Variants in GARRE1 observed in about 807,000 individuals in gnomAD.
GARRE1 encodes the protein granule associated Rac and RHOG effector protein 1.
Under a neutral mutation model 103.2 loss-of-function variants are expected in GARRE1, and 49 were observed. The ratio of observed to expected loss-of-function variants is 0.47; its 90% CI spans 0.38 to 0.60. The LOEUF (loss-of-function observed/expected upper bound fraction) is 0.60. Among genes scored for constraint, GARRE1 ranks in the 20% least tolerant of loss-of-function variants. The probability of loss-of-function intolerance (pLI) is 0.00; values close to 1 mark genes in which losing one functional copy is unlikely to be tolerated. For missense variants in GARRE1, 1,199 were observed against 1,370.5 expected (o/e 0.87, Z 1.98); for synonymous variants, 505 against 532.8 (o/e 0.95, Z 0.72).
Position 34,327,795 on chromosome 19 carries a change from T to TA in GARRE1, c.871_872insA (p.Leu291TyrfsTer5). ...GGCATATAAGATAGCTCTGGAAAGC[T>TA]TAGGACACTGTGAATATGCAATGAA... On this transcript the variant is annotated frameshift_variant, in exon 5 of 14. Transcript: ENST00000299505. LOFTEE classifies it high-confidence loss of function. The TA allele has an allele frequency of 6.2e-7, 1 of 1,614,170 alleles. No homozygotes were observed. Among genetic ancestry groups the TA allele is most frequent in the Non-Finnish European group, 8.5e-7 (1 of 1,179,972 alleles).
chr19:34,314,937 T>G (rs886104867), intron 2 of GARRE1, among the ~76,000 whole-genome samples: 1 of 152,182 alleles, frequency 6.6e-6, no homozygotes, highest in African/African-American at 2.4e-5. Context: ...ACTCGAATGA[T>G]CATCAGAACA....
rs1274940020 is a variant in GARRE1, at chr19:34,352,956, C to T, written c.*1C>T. 1.3e-6 allele frequency: 2 copies of T among 1,492,220 alleles called. No homozygotes were observed. Among genetic ancestry groups the T allele is most frequent in the East Asian group, 2.6e-5 (1 of 38,712 alleles). The allele number at this position is 1,492,220 out of a possible 1,614,324, so 92.4% of individuals were successfully genotyped here. A position where few individuals can be genotyped will look rare whatever the true frequency, so the allele number is the denominator to read the frequency against. ...GCCAGCCTATCTGCCCCAGTACTGACCCCAGGCCAGCCAGCCTGCCTGCCT... is the reference window on the plus strand; with the variant it reads ...GCCAGCCTATCTGCCCCAGTACTGATCCCAGGCCAGCCAGCCTGCCTGCCT... On this transcript the variant is annotated 3_prime_UTR_variant, in exon 14 of 14. Coordinates refer to ENST00000299505, the MANE Select transcript of GARRE1 (RefSeq NM_014686.5).
Position 34,300,908 on chromosome 19 carries a change from A to C in GARRE1, c.435A>C (p.Glu145Asp), listed in dbSNP as rs1452946371. ...CTGAGATCGCCAAGATGCTAATGGA[A>C]CTTAGTGCTGGGGCTGCAAATTTTA... is the stretch of plus-strand genomic sequence containing the variant. ...IKPEIAKMLM[E>D]LSAGAANFTD... Residue 145 changes from glutamate to aspartate, a missense_variant, in exon 2 of 14, where the codon GAA becomes GAC. Transcript: ENST00000299505. 5.6e-6 allele frequency: 9 copies of C among 1,608,426 alleles called. No homozygotes were observed. The highest frequency in any genetic ancestry group is 2.7e-5 in the African/African-American group (2 of 74,950).
At position 34,342,186 on chromosome 19, in the gene GARRE1, G is replaced by A. The variant is rs751563745; in HGVS notation, c.2252G>A (p.Arg751Gln). The change falls in exon 10 of 14, where the codon CGG (arginine) becomes CAG (glutamine). Residue 751 changes from arginine to glutamine, a missense_variant. By Grantham distance (43) the Arg-to-Gln change is conservative. Transcript: ENST00000299505. ...CCGCAGCAGCCCCCGCCCCAGCCTC[G>A]GGCACCTGGGAAATGGGTACATGGC... ...IGPQQPPPQP[R>Q]APGKWVHGSS... The A allele has an allele frequency of 5.6e-6, 9 of 1,614,000 alleles. No individual in the cohort carries two copies. Among genetic ancestry groups the A allele is most frequent in the East Asian group, 2.2e-5 (1 of 44,880 alleles).
intron 2 of GARRE1, among the ~76,000 whole-genome samples, chr19:34,319,439 C>T (rs954742258): frequency 4.6e-5 from 7 of 152,132 alleles, no homozygotes; most frequent in Admixed American, 2.6e-4. Flanking sequence ...CTAAAATAAC[C>T]GGTATATTTG....
intron 12 of GARRE1, 34 bp downstream of exon 12, chr19:34,349,187 G>C (rs1324748152): frequency 6.2e-7 from 1 of 1,607,382 alleles, no homozygotes; most frequent in East Asian, 2.2e-5. Context: ...GGTGGGGAGA[G>C]AAGGGCATGT....
chr19:34,276,546 G>GA, intron 1 of GARRE1, among the ~76,000 whole-genome samples: 1 of 152,334 alleles, frequency 6.6e-6, no homozygotes, highest in Admixed American at 6.5e-5. Context: ...GCTCCCCAGA[G>GA]AAATAGCCAG....
intron 1 of GARRE1, among the ~76,000 whole-genome samples, chr19:34,264,586 G>T (rs1250052319): frequency 6.6e-6 from 1 of 152,118 alleles, no homozygotes; most frequent in African/African-American, 2.4e-5. Context: ...TTTTAGTAGA[G>T]ACGGGGTTTC....
intron 3 of GARRE1, among the ~76,000 whole-genome samples, chr19:34,325,048 C>T (rs1220707865): frequency 6.6e-6 from 1 of 151,816 alleles, no homozygotes; most frequent in Admixed American, 6.6e-5. Context: ...ACCCTTTCAA[C>T]AACTTTCAGC....
At position 34,331,563 on chromosome 19, in the gene GARRE1, G is replaced by GA. The variant is rs952912777; in HGVS notation, c.1263+1226dup. The stretch of plus-strand genomic sequence containing the variant: ...TGATTTGTTCATTTCATCTTTCAGA[G>GA]AAAAAAAAAACTTTGCCCAGAGTTG... On this transcript the variant is annotated intron_variant, in intron 7 of 13. Transcript: ENST00000299505. 2.0e-4 allele frequency among the ~76,000 whole-genome samples: 30 copies of GA among 149,112 alleles called. No individual in the cohort carries two copies. The South Asian group carries it at 4.4e-3, about 22-fold the overall frequency.
chr19:34,282,208 A>G lies in GARRE1; in HGVS notation c.-795-17471A>G, dbSNP rs531103204. Among the ~76,000 whole-genome samples, 5 of 151,382 alleles carry G rather than the reference A, an allele frequency of 3.3e-5. No homozygotes were observed. The East Asian group carries it at 7.8e-4, about 24-fold the overall frequency. Reference sequence around the variant, plus strand: ...CTCTGTTGCCTAGAGCTGGAATGCAATAGTGCGATCTCGGCTCACTGCAAC... The same window carrying G: ...CTCTGTTGCCTAGAGCTGGAATGCAGTAGTGCGATCTCGGCTCACTGCAAC... On this transcript the variant is annotated intron_variant, in intron 1 of 13. Coordinates refer to ENST00000299505, the MANE Select transcript of GARRE1 (RefSeq NM_014686.5).
chr19:34,279,843 G>C (rs1317487361), intron 1 of GARRE1, among the ~76,000 whole-genome samples: 1 of 151,426 alleles, frequency 6.6e-6, no homozygotes, highest in Non-Finnish European at 1.5e-5. Flanking sequence ...AAATTAGCCG[G>C]GCGTAGTGGC....
At chr19:34,280,426 G>A (rs1237012672) in intron 1 of GARRE1, among the ~76,000 whole-genome samples, 1 of 152,156 alleles carries the variant, frequency 6.6e-6, no homozygotes, top group African/African-American at 2.4e-5. Context: ...GGATTTTTGT[G>A]TTTGAGTTGT....
chr19:34,311,200 C>G (rs2074034648), intron 2 of GARRE1, among the ~76,000 whole-genome samples: 1 of 152,056 alleles, frequency 6.6e-6, no homozygotes, highest in Admixed American at 6.6e-5. Flanking sequence ...TTACATTGCC[C>G]AAGCTGCCAT....
chr19:34,352,598 G>T (rs1389000665), intron 13 of GARRE1, 49 bp from the exon 14 acceptor site: 1 of 1,500,844 alleles, frequency 6.7e-7, no homozygotes, highest in Non-Finnish European at 9.2e-7. Context: ...GGTGGGAAAT[G>T]ATGATACATT....
Position 34,319,921 on chromosome 19 carries a change from T to C in GARRE1, c.510T>C (p.Cys170=). 1 of 1,614,234 alleles carries C rather than the reference T, an allele frequency of 6.2e-7. No homozygotes were observed. The highest frequency in any genetic ancestry group is 2.2e-5 in the East Asian group (1 of 44,888). ...TGTTTTCACAGGTGTTGGGGCGATG[T>C]TTCCTGACTGTGGTGCAAGTCCATT... ...SLQDIEVLGR[C]FLTVVQVHFQ... The change falls in exon 3 of 14, where the codon TGT becomes TGC. Residue 170 remains cysteine (C), a synonymous_variant. Coordinates refer to ENST00000299505, the MANE Select transcript of GARRE1 (RefSeq NM_014686.5).
Position 34,341,455 on chromosome 19 carries a change from G to A in GARRE1, c.1521G>A (p.Leu507=). 7 of 1,613,498 alleles carry A rather than the reference G, an allele frequency of 4.3e-6. No individual in the cohort carries two copies. The highest frequency in any genetic ancestry group is 5.9e-6 in the Non-Finnish European group (7 of 1,179,912). Residue 507 remains leucine, a synonymous_variant, in exon 10 of 14, where the codon CTG becomes CTA. Coordinates refer to ENST00000299505, the MANE Select transcript of GARRE1 (RefSeq NM_014686.5). ...CTTTACCCTGCATACAGATCCAGCTGCAAAGGGAGATCTGTGATTTTGGCA... is the reference window on the plus strand; with the variant it reads ...CTTTACCCTGCATACAGATCCAGCTACAAAGGGAGATCTGTGATTTTGGCA... ...EQALPCIQIQ[L]QREICDFGNQ...
intron 8 of GARRE1, 123 bp downstream of exon 8, chr19:34,333,924 C>T (rs572128612): frequency 2.8e-6 from 2 of 714,200 alleles, no homozygotes; most frequent in African/African-American, 1.8e-5. Context: ...GCTGCATGTG[C>T]AGGTTTATGG....
intron 1 of GARRE1, among the ~76,000 whole-genome samples, chr19:34,265,996 C>T (rs1338380781): frequency 1.3e-5 from 2 of 152,040 alleles, no homozygotes; most frequent in Non-Finnish European, 2.9e-5. Flanking sequence ...CATGAAGTTT[C>T]TTTGTATTGG....
Sources: allele counts gnomAD v4.1 joint callset (sites outside exome capture counted in the v4.1 genomes callset), GRCh38; gene constraint gnomAD v4.1.1; transcripts MANE v1.5; gene names NCBI Gene and HGNC (gene_info 2026-07-23, HGNC 2026-07-21).